The following VTI1A variants were observed in gnomAD, a reference collection of about 807,000 sequenced individuals.
VTI1A encodes vesicle transport through interaction with t-SNAREs 1A, also known as vesicle transport through interaction with t-SNAREs homolog 1A.
In VTI1A, 22 loss-of-function variants were observed where a neutral mutation model predicts 34.9. The ratio of observed to expected loss-of-function variants is 0.63; its 90% CI spans 0.45 to 0.90. VTI1A has a LOEUF of 0.90. VTI1A is among the 40% of genes least tolerant of loss of function. The pLI is 0.00. For synonymous variants in VTI1A, 87 were observed against 97.3 expected (o/e 0.89, Z 0.62); for missense variants, 268 against 275.6 (o/e 0.97, Z 0.20).
chr10:112,597,461 G>T (rs1844700181), intron 5 of VTI1A, among the ~76,000 whole-genome samples: 1 of 152,166 alleles, frequency 6.6e-6, no homozygotes, highest in African/African-American at 2.4e-5. Flanking sequence ...CAGGTGATCT[G>T]CCTGCCTCAG....
intron 5 of VTI1A, among the ~76,000 whole-genome samples, chr10:112,553,314 G>A (rs1297198145): frequency 2.0e-5 from 3 of 152,196 alleles, no homozygotes; most frequent in Non-Finnish European, 2.9e-5. Context: ...CCTTAGACAA[G>A]TTCCTTAGCC....
At chr10:112,833,513 T>C in the VTI1A span, among the ~76,000 whole-genome samples, 1 of 152,190 alleles carries the variant, frequency 6.6e-6, no homozygotes, top group Non-Finnish European at 1.5e-5. Context: ...TGGATAACCT[T>C]GGACAAGTCA....
At chr10:112,845,174 T>C in the VTI1A span, among the ~76,000 whole-genome samples, 11 of 152,146 alleles carry the variant, frequency 7.2e-5, no homozygotes, top group Non-Finnish European at 1.5e-4. Flanking sequence ...GAGTCCACCA[T>C]TCCACGCCTG....
At chr10:112,680,916 G>A (rs942296398) in intron 7 of VTI1A, among the ~76,000 whole-genome samples, 1 of 152,134 alleles carries the variant, frequency 6.6e-6, no homozygotes, top group East Asian at 1.9e-4. Context: ...GCAAACAGTG[G>A]TGATGGTGTT....
intron 5 of VTI1A, among the ~76,000 whole-genome samples, chr10:112,610,081 G>GA (rs1028257096): frequency 1.1e-4 from 16 of 147,944 alleles, no homozygotes; most frequent in Admixed American, 2.0e-4. Flanking sequence ...CACAGGAAAA[G>GA]AAAAAAAAAT....
At chr10:112,743,841 TA>T in intron 7 of VTI1A, among the ~76,000 whole-genome samples, 1 of 152,220 alleles carries the variant, frequency 6.6e-6, no homozygotes, top group Middle Eastern at 3.2e-3. Context: ...ATATAGGACA[TA>T]ATATAATGAA....
rs12414604 is a variant in VTI1A, at chr10:112,767,680, A to C, written c.561-47610A>C. Among the ~76,000 whole-genome samples, 33,916 of 148,730 alleles carry C rather than the reference A, an allele frequency of 0.23. 6,048 individuals carry two copies. The highest frequency in any genetic ancestry group is 0.5 in the African/African-American group (20,525 of 40,922). On this transcript the variant is annotated intron_variant, in intron 7 of 7. Transcript: ENST00000393077. The surrounding 1 kb of genome is among the most constrained non-coding windows in gnomAD (Gnocchi z 4.0). Reference sequence around the variant, plus strand: ...TGCCTGCCTACCTTATTTCTTCCTTACTCTTTTTTTTTTTCTGTTTCTCTG... The same window carrying C: ...TGCCTGCCTACCTTATTTCTTCCTTCCTCTTTTTTTTTTTCTGTTTCTCTG...
intron 1 of VTI1A, among the ~76,000 whole-genome samples, chr10:112,451,213 G>T (rs1847226252): frequency 6.6e-6 from 1 of 152,180 alleles, no homozygotes; most frequent in South Asian, 2.1e-4. Flanking sequence ...TTCTAGGCCT[G>T]TCTCCTCCAT....
At chr10:112,802,725 G>T (rs1464831595) in intron 7 of VTI1A, among the ~76,000 whole-genome samples, 16 of 151,998 alleles carry the variant, frequency 1.1e-4, no homozygotes, top group Admixed American at 9.8e-4. Context: ...GGACCTTTTT[G>T]TTTTTTTTAA....
At chr10:112,652,237 A>G (rs1847055944) in intron 5 of VTI1A, among the ~76,000 whole-genome samples, 3 of 152,310 alleles carry the variant, frequency 2.0e-5, no homozygotes, top group Admixed American at 6.5e-5. Context: ...CACCATGAAG[A>G]TTTTCACAAG....
At chr10:112,635,208 A>T (rs1295511349) in intron 5 of VTI1A, among the ~76,000 whole-genome samples, 2 of 152,226 alleles carry the variant, frequency 1.3e-5, no homozygotes, top group Admixed American at 6.5e-5. Flanking sequence ...TCTGGTAAAG[A>T]GGATAATGCA....
At chr10:112,482,188 TCA>T (rs1039395116) in intron 3 of VTI1A, among the ~76,000 whole-genome samples, 7 of 152,216 alleles carry the variant, frequency 4.6e-5, no homozygotes, top group African/African-American at 1.7e-4. Flanking sequence ...TGTTATTTTC[TCA>T]GTTTTTTAAC....
chr10:112,698,862 G>C (rs1300723673), intron 7 of VTI1A, among the ~76,000 whole-genome samples: 1 of 152,146 alleles, frequency 6.6e-6, no homozygotes, highest in African/African-American at 2.4e-5. Context: ...GCCTAATAAA[G>C]TCACAGCTCC....
rs61874594 is a variant in VTI1A, at chr10:112,583,501, G to A, written c.427+45171G>A. Among the ~76,000 whole-genome samples, 1,156 of 152,276 alleles carry A rather than the reference G, an allele frequency of 7.6e-3. 6 individuals are homozygous for A. The highest frequency in any genetic ancestry group is 0.013 in the Non-Finnish European group (860 of 68,030). ...CTATGTATTTACTAACTATTCAAAT[G>A]CCTTGTGGTATTCACACACAGATTA... On this transcript the variant is annotated intron_variant, in intron 5 of 7. Transcript: ENST00000393077.
chr10:112,507,329 G>A (rs946196262), intron 3 of VTI1A, among the ~76,000 whole-genome samples: 5 of 152,124 alleles, frequency 3.3e-5, no homozygotes, highest in South Asian at 2.1e-4. Context: ...GGCAAGTTCC[G>A]TATATTCTCC....
At chr10:112,728,682 TG>T (rs1270216465) in intron 7 of VTI1A, among the ~76,000 whole-genome samples, 1 of 152,170 alleles carries the variant, frequency 6.6e-6, no homozygotes, top group Non-Finnish European at 1.5e-5. Context: ...GAATCATACT[TG>T]GGGGTAATTA....
chr10:112,622,305 C>A (rs558660140), intron 5 of VTI1A, among the ~76,000 whole-genome samples: 81 of 152,152 alleles, frequency 5.3e-4, no homozygotes, highest in Non-Finnish European at 1.0e-3. Flanking sequence ...CTAGACACAC[C>A]CAGCTGAAGC....
chr10:112,777,846 T>C (rs1199550564), intron 7 of VTI1A, among the ~76,000 whole-genome samples: 1 of 152,210 alleles, frequency 6.6e-6, no homozygotes, highest in Non-Finnish European at 1.5e-5. Context: ...CTCACGCCTG[T>C]AATCCTAGCA....
chr10:112,618,575 G>T (rs1845610568), intron 5 of VTI1A, among the ~76,000 whole-genome samples: 1 of 131,900 alleles, frequency 7.6e-6, no homozygotes, highest in South Asian at 2.4e-4. Flanking sequence ...ATATCAACGG[G>T]CTGTTAAGAA....
Sources: gnomAD v4.1 joint callset for allele counts (sites outside exome capture counted in the v4.1 genomes callset) on GRCh38, gnomAD v4.1.1 for gene constraint, Gnocchi (gnomAD v3.1) non-coding constraint, MANE v1.5 for transcripts, NCBI Gene and HGNC (gene_info 2026-07-23, HGNC 2026-07-21) for gene names.